The following CDH26 variants were observed in gnomAD, a reference collection of about 807,000 sequenced individuals.
The protein encoded by CDH26 is cadherin 26.
CDH26 carries 83 observed loss-of-function variants against 90.3 expected under a neutral mutation model. That is an observed-to-expected ratio of 0.92 (90% CI 0.77 to 1.10). CDH26 has a LOEUF of 1.10. Among genes scored for constraint, CDH26 ranks in the 50% least tolerant of loss-of-function variants. CDH26 has a pLI of 0.00. For synonymous variants in CDH26, 397 were observed against 396.3 expected (o/e 1.00, Z -0.02); for missense variants, 1,013 against 1,037.6 (o/e 0.98, Z 0.33).
intron 1 of CDH26, among the ~76,000 whole-genome samples, chr20:59,966,076 G>T (rs2061144435): frequency 6.6e-6 from 1 of 152,000 alleles, no homozygotes; most frequent in Non-Finnish European, 1.5e-5. Context: ...TTGCTTGAAA[G>T]ATTACATTTA....
intron 16 of CDH26, 141 bp downstream of exon 16, chr20:60,003,007 G>A (rs2061696660): frequency 1.9e-6 from 1 of 514,178 alleles, no homozygotes; most frequent in African/African-American, 1.9e-5. Context: ...CAAACTGAAG[G>A]AGAAGCGAAC....
At chr20:59,967,878 TTCCTTC>T (rs1422967690) in intron 1 of CDH26, among the ~76,000 whole-genome samples, 5 of 101,426 alleles carry the variant, frequency 4.9e-5, no homozygotes, top group African/African-American at 3.6e-4. Context: ...TCTTTCTTTC[TTCCTTC>T]CTTCCTTCCT....
intron 4 of CDH26, among the ~76,000 whole-genome samples, chr20:59,972,926 T>C (rs1049447611): frequency 6.6e-6 from 1 of 152,244 alleles, no homozygotes; most frequent in Admixed American, 6.5e-5. Flanking sequence ...TGATAGGCTC[T>C]GAATCTCTAA....
intron 3 of CDH26, among the ~76,000 whole-genome samples, chr20:59,970,852 ATAAG>A (rs1385185771): frequency 2.0e-5 from 3 of 150,126 alleles, no homozygotes; most frequent in Non-Finnish European, 3.0e-5. Flanking sequence ...AAATAAATAA[ATAAG>A]GGAGATTGTC....
At chr20:59,967,860 TCTTTCTTTCTTTCTTTCTTCCTTC>T (rs1217116343) in intron 1 of CDH26, among the ~76,000 whole-genome samples, 10 of 116,348 alleles carry the variant, frequency 8.6e-5, no homozygotes, top group African/African-American at 4.7e-4. Flanking sequence ...TTTCTTTCTT[TCTTTCTTTCTTTCTTTCTTCCTTC>T]CTTCCTTCCT....
intron 9 of CDH26, among the ~76,000 whole-genome samples, chr20:59,990,093 T>A (rs886802837): frequency 3.3e-5 from 5 of 152,220 alleles, no homozygotes; most frequent in African/African-American, 1.2e-4. Flanking sequence ...CTCCAGGTCA[T>A]CAAAGCAGAA....
At chr20:59,970,543 G>C (rs1247138549) in intron 3 of CDH26, among the ~76,000 whole-genome samples, 2 of 151,450 alleles carry the variant, frequency 1.3e-5, no homozygotes, top group Non-Finnish European at 2.9e-5. Flanking sequence ...AGGCGCGGTG[G>C]CTCACGCCTG....
At chr20:59,967,880 C>CTTTCTTTCTCTCTCTCTCTCTCT (rs1195650307) in intron 1 of CDH26, among the ~76,000 whole-genome samples, 1 of 74,922 alleles carries the variant, frequency 1.3e-5, no homozygotes. Context: ...TTTCTTTCTT[C>CTTTCTTTCTCTCTCTCTCTCTCT]CTTCCTTCCT....
At chr20:59,983,957 T>C (rs1421487884) in intron 5 of CDH26, among the ~76,000 whole-genome samples, 2 of 152,234 alleles carry the variant, frequency 1.3e-5, no homozygotes, top group African/African-American at 2.4e-5. Context: ...TGAACATTTA[T>C]GTTTTTTTGC....
chr20:59,960,221 T>C (rs930617115), intron 1 of CDH26, among the ~76,000 whole-genome samples: 1 of 152,178 alleles, frequency 6.6e-6, no homozygotes, highest in Non-Finnish European at 1.5e-5. Context: ...GTGCACTGGG[T>C]GTCAGTGCAC....
downstream of CDH26, among the ~76,000 whole-genome samples, chr20:60,016,110 C>A (rs2061903548): frequency 6.6e-6 from 1 of 152,110 alleles, no homozygotes; most frequent in African/African-American, 2.4e-5. Context: ...TCAGGACCTT[C>A]TGTGGTTCCA....
intron 17 of CDH26, among the ~76,000 whole-genome samples, chr20:60,008,698 C>T (rs896177664): frequency 9.9e-5 from 15 of 152,136 alleles, no homozygotes; most frequent in African/African-American, 3.6e-4. Context: ...CTGGGGTTTC[C>T]CCAATGTTGC....
chr20:60,020,953 C>G (rs1430702501), intron 7 of CDH26, among the ~76,000 whole-genome samples: 1 of 152,196 alleles, frequency 6.6e-6, no homozygotes, highest in Non-Finnish European at 1.5e-5. Context: ...TGTCTCTGGG[C>G]TGATCAGATC....
chr20:59,978,811 T>A (rs369760876), intron 4 of CDH26, among the ~76,000 whole-genome samples: 1 of 152,210 alleles, frequency 6.6e-6, no homozygotes, highest in East Asian at 1.9e-4. Flanking sequence ...AGAGAAAATA[T>A]AACATTCACT....
intron 13 of CDH26, 143 bp downstream of exon 13, chr20:59,996,904 G>T: frequency 9.8e-7 from 1 of 1,024,542 alleles, no homozygotes; most frequent in Non-Finnish European, 1.4e-6. Context: ...AAAAATTCTT[G>T]CAAATACTAT....
chr20:60,020,479 C>T (rs187549329), intron 7 of CDH26, among the ~76,000 whole-genome samples: 50 of 152,210 alleles, frequency 3.3e-4, no homozygotes, highest in African/African-American at 1.0e-3. Context: ...GAAATGTGGG[C>T]GGTGAAGGGT....
downstream of CDH26, among the ~76,000 whole-genome samples, chr20:60,015,222 G>A (rs553900905): frequency 1.3e-5 from 2 of 152,278 alleles, no homozygotes; most frequent in African/African-American, 4.8e-5. Context: ...CTGACCTCAG[G>A]TGATCCGCCC....
In CDH26 at chr20:59,983,472, G is replaced by A. The variant is rs181231800; in HGVS notation, c.541+402G>A. ...AAACCCAACCGACTCTTACTAGAATGTGGATTTATTTTAATAACAAAAATC... is the reference window on the plus strand; with the variant it reads ...AAACCCAACCGACTCTTACTAGAATATGGATTTATTTTAATAACAAAAATC... On this transcript the variant is annotated intron_variant, in intron 5 of 17. Transcript: ENST00000348616. Among the ~76,000 whole-genome samples the A allele has an allele frequency of 1.0e-3, 158 of 151,594 alleles. 1 individual carries two copies. Among genetic ancestry groups the A allele is most frequent in the African/African-American group, 3.7e-3 (152 of 41,536 alleles).
At chr20:60,011,509 C>T (rs1458677319) in intron 17 of CDH26, among the ~76,000 whole-genome samples, 2 of 152,164 alleles carry the variant, frequency 1.3e-5, no homozygotes, top group East Asian at 3.8e-4. Flanking sequence ...TCTAATGATG[C>T]AGGGGTCAGT....
Sources: allele counts gnomAD v4.1 joint callset (sites outside exome capture counted in the v4.1 genomes callset), GRCh38; gene constraint gnomAD v4.1.1; transcripts MANE v1.5; gene names NCBI Gene and HGNC (gene_info 2026-07-23, HGNC 2026-07-21).